The following KANSL1 variants were observed in gnomAD, a reference collection of about 807,000 sequenced individuals.
KANSL1 encodes MLL1/MLL complex subunit KANSL1.
A neutral mutation model predicts 103.6 loss-of-function variants in KANSL1; 22 were observed. That is an observed-to-expected ratio of 0.21 (90% CI 0.15 to 0.30). KANSL1 has a LOEUF of 0.30. Ranked by LOEUF, KANSL1 falls within the 10% of genes least tolerant of loss-of-function variation. The probability of loss-of-function intolerance (pLI) is 1.00; values close to 1 mark genes in which losing one functional copy is unlikely to be tolerated. For missense variants in KANSL1, 1,337 were observed against 1,399.8 expected (o/e 0.96, Z 0.72); for synonymous variants, 600 against 527.6 (o/e 1.14, Z -1.88).
intron 4 of KANSL1, among the ~76,000 whole-genome samples, chr17:46,075,313 ACT>A (rs1396256896): frequency 8.6e-5 from 13 of 152,044 alleles, no homozygotes; most frequent in African/African-American, 3.1e-4. Flanking sequence ...CCGTACGGAG[ACT>A]CTGTACTACT....
At chr17:46,130,112 G>C (rs1220857979) in intron 2 of KANSL1, among the ~76,000 whole-genome samples, 1 of 144,054 alleles carries the variant, frequency 6.9e-6, no homozygotes, top group African/African-American at 2.6e-5. Context: ...CTTGTGCCCA[G>C]AAAGGTAGAG....
At chr17:46,182,173 A>C (rs2732585) in intron 1 of KANSL1, among the ~76,000 whole-genome samples, 18,649 of 150,306 alleles carry the variant, frequency 0.12, 25 homozygotes, top group Middle Eastern at 0.19. Flanking sequence ...TAGAGAAGTC[A>C]AAAAGGCCTC....
At position 46,170,835 on chromosome 17, in the gene KANSL1, C is replaced by A. The variant is rs2147729504; in HGVS notation, c.1289+20G>T. The stretch of plus-strand genomic sequence containing the variant: ...TGCCAACATTTCTCAAGAATGCTAT[C>A]ATGCATGAGGTCTACTCACAGGGGT... On this transcript the variant is annotated intron_variant, in intron 2 of 14. Coordinates refer to ENST00000432791, the MANE Select transcript of KANSL1 (RefSeq NM_015443.4). 6.4e-7 allele frequency: 1 copy of A among 1,557,964 alleles called. No homozygotes were observed.
At position 46,062,119 on chromosome 17, in the gene KANSL1, A is replaced by AAC. The variant is rs1555743508; in HGVS notation, c.1848+4417_1848+4418insGT. 3.8e-4 allele frequency among the ~76,000 whole-genome samples: 11 copies of AAC among 29,098 alleles called. No individual in the cohort carries two copies. The East Asian group carries it at 0.043, about 114-fold the overall frequency. 19.1% of individuals were successfully genotyped at this position (29,098 alleles called of 152,430 possible). The stretch of plus-strand genomic sequence containing the variant: ...AAAAAAAAAAAAAAAACAAACAAAC[A>AAC]AAAAAAAAAAAAAAACATGTTACAG... On this transcript the variant is annotated intron_variant, in intron 6 of 14. Coordinates refer to ENST00000432791, the MANE Select transcript of KANSL1 (RefSeq NM_015443.4).
Position 46,039,826 on chromosome 17 carries a change from A to G in KANSL1, c.2079T>C (p.Pro693=). The G allele has an allele frequency of 1.2e-6, 2 of 1,614,208 alleles. No homozygotes were observed. The highest frequency in any genetic ancestry group is 1.7e-6 in the Non-Finnish European group (2 of 1,180,032). ...TTTTGGGAGGTTTGATTTTGTCAAA[A>G]GGCTTGTTCTGCCACTGAGATTTCA... The part of the protein sequence containing the change: ...SMLKSQWQNK[P]FDKIKPPKKL... Residue 693 remains proline (P), a synonymous_variant, in exon 8 of 15, where the codon CCT becomes CCC. Transcript: ENST00000432791.
chr17:46,082,546 C>A lies in KANSL1; in HGVS notation c.1432-4G>T. The A allele has an allele frequency of 1.9e-6, 3 of 1,562,116 alleles. No individual in the cohort carries two copies. The highest frequency in any genetic ancestry group is 2.6e-6 in the Non-Finnish European group (3 of 1,136,294). On this transcript the variant is annotated splice_region_variant and splice_polypyrimidine_tract_variant and intron_variant, in intron 3 of 14. Coordinates refer to ENST00000432791, the MANE Select transcript of KANSL1 (RefSeq NM_015443.4). ...CCTCCCCAAGAACTATCAACCCCTGCAGGATAGAGAGGAGAAAAATAGCAT... is the reference window on the plus strand; with the variant it reads ...CCTCCCCAAGAACTATCAACCCCTGAAGGATAGAGAGGAGAAAAATAGCAT...
At position 46,163,881 on chromosome 17, in the gene KANSL1, A is replaced by G. The variant is rs535658803; in HGVS notation, c.1289+6974T>C. ...ATTCCCATGGTGCCACCAAAGCCCT[A>G]TACCTTTCAACTTGTCTTCTCTGTG... On this transcript the variant is annotated intron_variant, in intron 2 of 14. Transcript: ENST00000432791. Among the ~76,000 whole-genome samples, 11 of 152,330 alleles carry G rather than the reference A, an allele frequency of 7.2e-5. No homozygotes were observed. The South Asian group carries it at 2.1e-3, about 29-fold the overall frequency.
At chr17:46,036,855 G>A (rs2077165671) in intron 10 of KANSL1, among the ~76,000 whole-genome samples, 1 of 152,046 alleles carries the variant, frequency 6.6e-6, no homozygotes, top group African/African-American at 2.4e-5. Flanking sequence ...GGAACTATAG[G>A]CACATGCCAC....
chr17:46,144,714 A>C (rs62063213), intron 2 of KANSL1, among the ~76,000 whole-genome samples: 17,060 of 148,964 alleles, frequency 0.11, no homozygotes, highest in Non-Finnish European at 0.17. Context: ...TGGGATTAAG[A>C]TCCTTTAGAA....
rs138085595 is a variant in KANSL1 at position 46,105,109 on chromosome 17, G to A, written c.1290-10408C>T. ...ATTACAGGCGTGAGCAACCGCACAT[G>A]GCCTACTGTGTCTTCTTTAGAGAAT... On this transcript the variant is annotated intron_variant, in intron 2 of 14. Transcript: ENST00000432791. Among the ~76,000 whole-genome samples, 29 of 152,258 alleles carry A rather than the reference G, an allele frequency of 1.9e-4. No homozygotes were observed. In the East Asian group the frequency reaches 5.4e-3, roughly 28 times the overall value.
chr17:46,096,311 C>CTTTTTTTTCTTTTTTTTTTT (rs2042069609), intron 2 of KANSL1, among the ~76,000 whole-genome samples: 1 of 76,408 alleles, frequency 1.3e-5, no homozygotes, highest in African/African-American at 5.6e-5. Context: ...GCTTTTTTTT[C>CTTTTTTTTCTTTTTTTTTTT]TTTTTTTTTT....
intron 10 of KANSL1, chr17:46,035,272 T>C (rs17653211): frequency 0.14 from 21,810 of 152,320 alleles, 2,133 homozygotes; most frequent in Non-Finnish European, 0.22. Context: ...GCTGCATTTA[T>C]ACCTAAACCA....
intron 2 of KANSL1, among the ~76,000 whole-genome samples, chr17:46,108,449 C>T (rs956910362): frequency 2.0e-5 from 3 of 152,230 alleles, no homozygotes; most frequent in African/African-American, 4.8e-5. Context: ...CCAAATACCC[C>T]CTACACACCT....
chr17:46,035,079 C>G (rs1318976912), intron 10 of KANSL1: 1 of 152,224 alleles, frequency 6.6e-6, no homozygotes, highest in Non-Finnish European at 1.5e-5. Flanking sequence ...AGCTGGGAGA[C>G]TAGGGAACTA....
chr17:46,043,616 T>C (rs1359613936), intron 7 of KANSL1: 1 of 152,218 alleles, frequency 6.6e-6, no homozygotes, highest in Non-Finnish European at 1.5e-5. Flanking sequence ...TCCAGACAGT[T>C]ACTGTCAATT....
chr17:46,077,204 C>T (rs923895416), intron 4 of KANSL1, among the ~76,000 whole-genome samples: 1 of 152,182 alleles, frequency 6.6e-6, no homozygotes, highest in South Asian at 2.1e-4. Context: ...GGTGCACGCC[C>T]CCACACCAGG....
intron 4 of KANSL1, among the ~76,000 whole-genome samples, chr17:46,080,312 TAAAAAAAAAAA>T (rs35520207): frequency 3.9e-5 from 3 of 77,780 alleles, no homozygotes; most frequent in South Asian, 1.2e-3. Context: ...GAGCCTGTCT[TAAAAAAAAAAA>T]AAAAAAAAAA....
rs199498626 is a variant in KANSL1 at position 46,171,589 on chromosome 17, T to C, written c.555A>G (p.Ser185=). Residue 185 remains serine (S), a synonymous_variant, in exon 2 of 15, where the codon TCA becomes TCG. Coordinates refer to ENST00000432791, the MANE Select transcript of KANSL1 (RefSeq NM_015443.4). ...SLNGGKRALT[S]SALHGGEMGG... ...CCATTTCACCCCCATGAAGAGCAGA[T>C]GAAGTGAGAGCCCGTTTTCCCCCAT... 1.3e-6 allele frequency: 2 copies of C among 1,594,020 alleles called. No homozygotes were observed. The highest frequency in any genetic ancestry group is 4.5e-5 in the East Asian group (2 of 44,702).
At chr17:46,062,114 CA>C (rs1192815524) in intron 6 of KANSL1, among the ~76,000 whole-genome samples, 54 of 37,120 alleles carry the variant, frequency 1.5e-3, no homozygotes, top group African/African-American at 3.5e-3. Context: ...AAAAAACAAA[CA>C]AACAAAAAAA....
Sources: allele counts gnomAD v4.1 joint callset (sites outside exome capture counted in the v4.1 genomes callset), GRCh38; gene constraint gnomAD v4.1.1; transcripts MANE v1.5; gene names NCBI Gene and HGNC (gene_info 2026-07-23, HGNC 2026-07-21).